SLC23A2: variants seen among roughly 807,000 people sequenced by gnomAD.
SLC23A2 encodes the protein solute carrier family 23 member 2, also known as Na(+)/L-ascorbic acid transporter 2.
Under a neutral mutation model 73.3 loss-of-function variants are expected in SLC23A2, and 36 were observed. The ratio of observed to expected loss-of-function variants is 0.49; its 90% CI spans 0.38 to 0.65. The LOEUF (loss-of-function observed/expected upper bound fraction) is 0.65. Ranked by LOEUF, SLC23A2 falls within the 30% of genes least tolerant of loss-of-function variation. The probability of loss-of-function intolerance (pLI) is 0.00; values close to 1 mark genes in which losing one functional copy is unlikely to be tolerated. For missense variants in SLC23A2, 507 were observed against 841.6 expected (o/e 0.60, Z 4.92); for synonymous variants, 343 against 327.3 (o/e 1.05, Z -0.52).
intron 1 of SLC23A2, among the ~76,000 whole-genome samples, chr20:5,009,450 A>G (rs1252022351): frequency 6.6e-6 from 1 of 152,164 alleles, no homozygotes; most frequent in African/African-American, 2.4e-5. Context: ...CCCTCCATGC[A>G]TCACAGCATT....
At chr20:4,915,930 AGAGCG>A (rs1238205474) in intron 3 of SLC23A2, among the ~76,000 whole-genome samples, 1 of 152,240 alleles carries the variant, frequency 6.6e-6, no homozygotes, top group Non-Finnish European at 1.5e-5. Context: ...CCTGGTCAAC[AGAGCG>A]AGACTCCATC....
chr20:4,923,662 C>T (rs983048465), intron 3 of SLC23A2, among the ~76,000 whole-genome samples: 1 of 152,172 alleles, frequency 6.6e-6, no homozygotes, highest in East Asian at 1.9e-4. Flanking sequence ...ACTATTATTA[C>T]CATCCAACTG....
Position 4,902,335 on chromosome 20 carries a change from A to G in SLC23A2, c.324+107T>C, listed in dbSNP as rs1178206990. 1.5e-6 allele frequency: 1 copy of G among 668,862 alleles called. No homozygotes were observed. The highest frequency in any genetic ancestry group is 2.6e-6 in the Non-Finnish European group (1 of 379,478). The allele number at this position is 668,862 out of a possible 1,614,324, so 41.4% of individuals were successfully genotyped here. A position where few individuals can be genotyped will look rare whatever the true frequency, so the allele number is the denominator to read the frequency against. On this transcript the variant is annotated intron_variant, in intron 5 of 16. Coordinates refer to ENST00000338244, the MANE Select transcript of SLC23A2 (RefSeq NM_005116.6). The surrounding 1 kb of genome is among the most constrained non-coding windows in gnomAD (Gnocchi z 4.0). ...CATCACTCTTAAAAGAGGAATTTAT[A>G]AAAGTCTTCAATAAACAAAAACCAA...
At chr20:4,929,171 T>C (rs1932757374) in intron 3 of SLC23A2, among the ~76,000 whole-genome samples, 1 of 150,648 alleles carries the variant, frequency 6.6e-6, no homozygotes, top group African/African-American at 2.4e-5. Flanking sequence ...GAGGCTGAGG[T>C]GGGAGGATCA....
At chr20:4,903,602 G>A (rs1931830655) in intron 4 of SLC23A2, among the ~76,000 whole-genome samples, 2 of 152,144 alleles carry the variant, frequency 1.3e-5, no homozygotes, top group African/African-American at 4.8e-5. Context: ...TTTGGGGTTT[G>A]GGGCCCAATA....
At chr20:4,987,122 C>A (rs2087843321) in intron 1 of SLC23A2, among the ~76,000 whole-genome samples, 1 of 152,022 alleles carries the variant, frequency 6.6e-6, no homozygotes, top group African/African-American at 2.4e-5. Context: ...ACTAGGGGTC[C>A]AGAAGCAAGT....
rs931627650 is a variant in SLC23A2 at position 4,863,202 on chromosome 20, C to A, written c.1357-295G>T. 2.0e-5 allele frequency among the ~76,000 whole-genome samples: 3 copies of A among 152,190 alleles called. No individual in the cohort carries two copies. The highest frequency in any genetic ancestry group is 7.2e-5 in the African/African-American group (3 of 41,438). On this transcript the variant is annotated intron_variant, in intron 13 of 16. Transcript: ENST00000338244. This position sits in a 1 kb window ranked among gnomAD's most constrained non-coding sequence, Gnocchi z 4.8. ...AAGGCCACACTTTGCCCCTGCCTAT[C>A]CCCTGGGTTCCCGGCACCACATGTC...
chr20:4,964,211 T>G (rs374888840), intron 2 of SLC23A2, among the ~76,000 whole-genome samples: 1 of 151,958 alleles, frequency 6.6e-6, no homozygotes, highest in South Asian at 2.1e-4. Context: ...CCCTGGCTGG[T>G]CTTGAACTCC....
chr20:4,932,479 C>T lies in SLC23A2; in HGVS notation c.84G>A (p.Lys28=). The T allele has an allele frequency of 6.2e-7, 1 of 1,601,846 alleles. No individual in the cohort carries two copies. Residue 28 remains lysine (K), a synonymous_variant, in exon 3 of 17, where the codon AAG becomes AAA. Coordinates refer to ENST00000338244, the MANE Select transcript of SLC23A2 (RefSeq NM_005116.6). ...CCGGAAGAGTGAAGAAAGCTGGGTG[C>T]TTTGCCTCGTCTTCGTATTTGCCTT... The part of the protein sequence containing the change: ...STEGKYEDEA[K]HPAFFTLPVV...
intron 1 of SLC23A2, among the ~76,000 whole-genome samples, chr20:4,980,683 AC>A (rs2087712918): frequency 6.6e-6 from 1 of 151,796 alleles, no homozygotes; most frequent in South Asian, 2.1e-4. Flanking sequence ...GGTGGCTGCC[AC>A]CACACCCGGC....
chr20:4,859,315 G>C lies in SLC23A2; in HGVS notation c.1694C>G (p.Ala565Gly). ...TGGGATGGTGTTATCCAGGATAAAA[G>C]CCACACAGCCCCCTACAAACATAGC... The part of the protein sequence containing the change: ...TTAMFVGGCV[A>G]FILDNTIPGT... The change falls in exon 16 of 17, where the codon GCT becomes GGT. Residue 565 changes from alanine to glycine, a missense_variant. This residue lies in a region of SLC23A2 where 168 missense variants were observed against 302.3 expected (regional missense o/e 0.56). Coordinates refer to ENST00000338244, the MANE Select transcript of SLC23A2 (RefSeq NM_005116.6). 1 of 1,608,934 alleles carries C rather than the reference G, an allele frequency of 6.2e-7. No homozygotes were observed. Among genetic ancestry groups the C allele is most frequent in the Non-Finnish European group, 8.5e-7 (1 of 1,176,840 alleles).
chr20:4,867,625 T>TAAAAAAAAAAAAAAAAAAAAAAA (rs11476144), intron 13 of SLC23A2, 145 bp downstream of exon 13: 1 of 279,722 alleles, frequency 3.6e-6, no homozygotes, highest in Non-Finnish European at 6.3e-6. Flanking sequence ...TATAAACACT[T>TAAAAAAAAAAAAAAAAAAAAAAA]AAAAAAAAAA....
intron 2 of SLC23A2, among the ~76,000 whole-genome samples, chr20:4,937,848 G>C (rs2086983889): frequency 6.6e-6 from 1 of 152,018 alleles, no homozygotes. Context: ...GATTTTTGAG[G>C]GGGCACTGAG....
At chr20:4,898,877 T>C (rs1031636370) in intron 6 of SLC23A2, among the ~76,000 whole-genome samples, 9 of 152,066 alleles carry the variant, frequency 5.9e-5, no homozygotes, top group Non-Finnish European at 1.0e-4. Context: ...CAGAGAACAA[T>C]GAAGGGCTCC....
At chr20:4,955,662 T>C (rs1305562584) in intron 2 of SLC23A2, among the ~76,000 whole-genome samples, 1 of 152,046 alleles carries the variant, frequency 6.6e-6, no homozygotes, top group African/African-American at 2.4e-5. Flanking sequence ...ATGGGGGCAG[T>C]GCCTTTAGTC....
chr20:4,955,584 C>T (rs945416351), intron 2 of SLC23A2, among the ~76,000 whole-genome samples: 1 of 151,944 alleles, frequency 6.6e-6, no homozygotes, highest in African/African-American at 2.4e-5. Flanking sequence ...ACCTCAGGGG[C>T]TCGAGACCAG....
intron 2 of SLC23A2, among the ~76,000 whole-genome samples, chr20:4,950,278 A>G (rs2087179888): frequency 6.6e-6 from 1 of 152,254 alleles, no homozygotes; most frequent in Non-Finnish European, 1.5e-5. Flanking sequence ...TGCTGCTTCC[A>G]GCTCAGTGAA....
At chr20:4,966,421 A>G (rs979903968) in intron 2 of SLC23A2, among the ~76,000 whole-genome samples, 1 of 152,150 alleles carries the variant, frequency 6.6e-6, no homozygotes, top group Non-Finnish European at 1.5e-5. Context: ...CCAATGCGGG[A>G]GCCACCAGCC....
At chr20:4,867,960 C>A in intron 12 of SLC23A2, 85 bp from the exon 13 acceptor site, 1 of 791,154 alleles carries the variant, frequency 1.3e-6, no homozygotes, top group Admixed American at 2.2e-5. Flanking sequence ...ATCTACAATC[C>A]AAAAATGTGG....
Sources: gnomAD v4.1 joint callset for allele counts (sites outside exome capture counted in the v4.1 genomes callset) on GRCh38, gnomAD v4.1.1 for gene constraint, gnomAD v4.1.1 regional missense constraint, Gnocchi (gnomAD v3.1) non-coding constraint, MANE v1.5 for transcripts, NCBI Gene and HGNC (gene_info 2026-07-23, HGNC 2026-07-21) for gene names.